The following RGS6 variants were observed in gnomAD, a reference collection of about 807,000 sequenced individuals.
RGS6 encodes the protein regulator of G protein signaling 6, also known as regulator of G-protein signaling 6.
In RGS6, 30 loss-of-function variants were observed where a neutral mutation model predicts 78.5. That is an observed-to-expected ratio of 0.38 (90% CI 0.29 to 0.52). The LOEUF (loss-of-function observed/expected upper bound fraction) is 0.52, where lower values mean the gene tolerates loss of function less well. Among genes scored for constraint, RGS6 ranks in the 20% least tolerant of loss-of-function variants. The pLI, the probability that RGS6 is intolerant of heterozygous loss-of-function variation, is 0.85. For missense variants in RGS6, 495 were observed against 609.7 expected (o/e 0.81, Z 1.98); for synonymous variants, 206 against 206.0 (o/e 1.00, Z 0.00).
At chr14:72,139,596 C>A (rs116146030) in intron 2 of RGS6, among the ~76,000 whole-genome samples, 6 of 152,272 alleles carry the variant, frequency 3.9e-5, no homozygotes, top group African/African-American at 1.4e-4. Context: ...TTGCACTGAG[C>A]ATTAAAATAT....
At chr14:72,619,477 A>G in the RGS6 span, 4 of 1,248,902 alleles carry the variant, frequency 3.2e-6, no homozygotes, top group Admixed American at 6.5e-5. Context: ...TTGGCAATGC[A>G]GAAACCAAGT....
intron 2 of RGS6, among the ~76,000 whole-genome samples, chr14:72,271,666 T>C (rs552898515): frequency 6.6e-6 from 1 of 152,362 alleles, no homozygotes; most frequent in African/African-American, 2.4e-5. Context: ...CTACAGTTGC[T>C]GTAACAAATT....
intron 1 of RGS6, among the ~76,000 whole-genome samples, chr14:71,955,586 G>T (rs971146364): frequency 1.6e-4 from 24 of 152,148 alleles, no homozygotes; most frequent in Admixed American, 2.6e-4. Context: ...GGCCATATAG[G>T]GTAACTTCCT....
At chr14:72,240,857 A>T (rs1365982285) in intron 2 of RGS6, among the ~76,000 whole-genome samples, 1 of 152,138 alleles carries the variant, frequency 6.6e-6, no homozygotes, top group African/African-American at 2.4e-5. Context: ...GCTAATTCCT[A>T]CAATTAAACT....
At chr14:72,039,569 T>C (rs1016285790) in intron 2 of RGS6, among the ~76,000 whole-genome samples, 1 of 151,424 alleles carries the variant, frequency 6.6e-6, no homozygotes, top group African/African-American at 2.5e-5. Flanking sequence ...TCATTTCAGC[T>C]TATGTGTGCC....
At chr14:71,925,272 G>A in the RGS6 span, among the ~76,000 whole-genome samples, 1 of 152,064 alleles carries the variant, frequency 6.6e-6, no homozygotes, top group African/African-American at 2.4e-5. Flanking sequence ...GTTTTCTTGC[G>A]ATTGAATTGA....
At chr14:71,872,029 G>C in the RGS6 span, among the ~76,000 whole-genome samples, 1 of 152,262 alleles carries the variant, frequency 6.6e-6, no homozygotes, top group South Asian at 2.1e-4. Flanking sequence ...GAAGGAGCCA[G>C]GTAGGCTTCC....
chr14:72,439,303 C>CT (rs1220842108), intron 3 of RGS6, among the ~76,000 whole-genome samples: 2 of 152,204 alleles, frequency 1.3e-5, no homozygotes, highest in East Asian at 3.9e-4. Context: ...TCGATAAATG[C>CT]TTTAGTGAAT....
intron 2 of RGS6, among the ~76,000 whole-genome samples, chr14:72,025,405 G>T (rs570001056): frequency 6.6e-6 from 1 of 151,926 alleles, no homozygotes; most frequent in Non-Finnish European, 1.5e-5. Flanking sequence ...TGTTTCTTTG[G>T]GAGAAAATGA....
chr14:72,226,973 C>T (rs2048285397), intron 2 of RGS6, among the ~76,000 whole-genome samples: 1 of 152,194 alleles, frequency 6.6e-6, no homozygotes, highest in South Asian at 2.1e-4. Flanking sequence ...AGGCGTGAGC[C>T]ACTGTACCCA....
chr14:72,550,414 G>C (rs777203959), intron 17 of RGS6: 53 of 1,495,500 alleles, frequency 3.5e-5, no homozygotes, highest in Non-Finnish European at 4.8e-5. Context: ...TTTTTTGTTT[G>C]CACTAAGCAC....
In RGS6 at chr14:72,426,891, A is replaced by ATGAAAC. The variant is rs1183837498; in HGVS notation, c.185-27634_185-27629dup. ...CAAAAGGTGGAACAGAAGCAACACT[A>ATGAAAC]TGAAACTGCCAAGGCTAAATCATAA... On this transcript the variant is annotated intron_variant, in intron 3 of 17. Transcript: ENST00000553525. Among the ~76,000 whole-genome samples the ATGAAAC allele has an allele frequency of 7.9e-5, 12 of 152,336 alleles. No homozygotes were observed. The East Asian group carries it at 2.3e-3, about 29-fold the overall frequency.
At chr14:72,167,926 C>T (rs2096951783) in intron 2 of RGS6, among the ~76,000 whole-genome samples, 1 of 152,146 alleles carries the variant, frequency 6.6e-6, no homozygotes, top group Middle Eastern at 3.2e-3. Context: ...GAAGTCCTTG[C>T]TGTGCCTGGT....
At chr14:72,335,180 A>G (rs2075809843) in intron 2 of RGS6, among the ~76,000 whole-genome samples, 1 of 152,138 alleles carries the variant, frequency 6.6e-6, no homozygotes, top group Non-Finnish European at 1.5e-5. Flanking sequence ...TGAGTCAATT[A>G]AACCTCTTTC....
At chr14:72,504,466 A>G (rs1405919093) in intron 13 of RGS6, among the ~76,000 whole-genome samples, 1 of 152,244 alleles carries the variant, frequency 6.6e-6, no homozygotes, top group African/African-American at 2.4e-5. Flanking sequence ...AAATTCAGCC[A>G]AATTCTTTGC....
At chr14:72,578,509 ATC>A in the RGS6 span, among the ~76,000 whole-genome samples, 3 of 152,322 alleles carry the variant, frequency 2.0e-5, no homozygotes, top group South Asian at 6.2e-4. Flanking sequence ...AGAAAAATAT[ATC>A]TGTTTCCTGC....
chr14:72,550,707 G>T, intron 17 of RGS6: 1 of 1,374,250 alleles, frequency 7.3e-7, no homozygotes, highest in Non-Finnish European at 9.6e-7. Flanking sequence ...CAATCCGGTG[G>T]TTTTACACCT....
At chr14:72,600,284 G>A in the RGS6 span, among the ~76,000 whole-genome samples, 3 of 151,968 alleles carry the variant, frequency 2.0e-5, no homozygotes, top group Non-Finnish European at 4.4e-5. Flanking sequence ...ACAGATGGCT[G>A]CTCCCCAGGC....
At chr14:72,227,036 C>T (rs2048304050) in intron 2 of RGS6, among the ~76,000 whole-genome samples, 1 of 152,146 alleles carries the variant, frequency 6.6e-6, no homozygotes, top group Non-Finnish European at 1.5e-5. Flanking sequence ...ATATACACAA[C>T]ATTCATCTAC....
Sources: allele counts gnomAD v4.1 joint callset (sites outside exome capture counted in the v4.1 genomes callset), GRCh38; gene constraint gnomAD v4.1.1; transcripts MANE v1.5; gene names NCBI Gene and HGNC (gene_info 2026-07-23, HGNC 2026-07-21).